TASP1: variants seen among roughly 807,000 people sequenced by gnomAD.
TASP1 encodes taspase 1, also known as threonine aspartase 1.
TASP1 carries 16 observed loss-of-function variants against 56.6 expected under a neutral mutation model. The ratio of observed to expected loss-of-function variants is 0.28; its 90% CI spans 0.19 to 0.43. TASP1 has a LOEUF of 0.43. TASP1 is among the 20% of genes least tolerant of loss of function. TASP1 has a pLI of 1.00. For missense variants in TASP1, 393 were observed against 511.6 expected (o/e 0.77, Z 2.24); for synonymous variants, 179 against 184.2 (o/e 0.97, Z 0.23).
the TASP1 span, among the ~76,000 whole-genome samples, chr20:13,369,782 A>G: frequency 2.4e-3 from 371 of 152,372 alleles, 1 homozygote; most frequent in African/African-American, 8.7e-3. Flanking sequence ...CAACAGGATC[A>G]AGTCAACTAA....
intron 12 of TASP1, among the ~76,000 whole-genome samples, chr20:13,428,734 ACTGCC>A (rs2146140595): frequency 6.6e-6 from 1 of 152,266 alleles, no homozygotes; most frequent in South Asian, 2.1e-4. Context: ...ATCCCTTTAA[ACTGCC>A]TCAAAATCAT....
chr20:13,221,857 G>C, the TASP1 span: 6 of 1,432,608 alleles, frequency 4.2e-6, no homozygotes, highest in South Asian at 7.1e-5. Context: ...TGCGCGGCTC[G>C]GGAGCCGCCG....
chr20:13,512,982 C>T (rs905961177), intron 10 of TASP1, among the ~76,000 whole-genome samples: 2 of 152,120 alleles, frequency 1.3e-5, no homozygotes, highest in African/African-American at 2.4e-5. Context: ...GGTACCAGTA[C>T]CATGCTGTTT....
At chr20:13,510,841 CCTT>C (rs1392812652) in intron 10 of TASP1, among the ~76,000 whole-genome samples, 2 of 152,114 alleles carry the variant, frequency 1.3e-5, no homozygotes, top group Non-Finnish European at 2.9e-5. Context: ...CTGTTATCAT[CCTT>C]ATTATTATCT....
intron 7 of TASP1, among the ~76,000 whole-genome samples, chr20:13,567,442 C>T (rs189370210): frequency 1.1e-4 from 16 of 152,004 alleles, no homozygotes; most frequent in Admixed American, 6.6e-4. Context: ...AATAGGTATT[C>T]GGAAAATAAA....
chr20:13,224,181 A>G, the TASP1 span, among the ~76,000 whole-genome samples: 1 of 152,142 alleles, frequency 6.6e-6, no homozygotes, highest in East Asian at 1.9e-4. Context: ...TGTCCACTCA[A>G]TGCACACACT....
At chr20:13,503,193 G>A (rs2044007928) in intron 10 of TASP1, among the ~76,000 whole-genome samples, 1 of 152,104 alleles carries the variant, frequency 6.6e-6, no homozygotes, top group African/African-American at 2.4e-5. Flanking sequence ...CACAAGCCAT[G>A]TGGGATGCCT....
the TASP1 span, among the ~76,000 whole-genome samples, chr20:13,248,679 A>G: frequency 0.26 from 39,732 of 152,114 alleles, 5,329 homozygotes; most frequent in African/African-American, 0.34. Flanking sequence ...TCCTTCATCC[A>G]AAACCCAGTG....
At chr20:13,339,202 C>T in the TASP1 span, among the ~76,000 whole-genome samples, 2 of 152,150 alleles carry the variant, frequency 1.3e-5, no homozygotes, top group Non-Finnish European at 2.9e-5. Context: ...TGGTACACAG[C>T]AAAACTTCCC....
the TASP1 span, among the ~76,000 whole-genome samples, chr20:13,262,271 C>T: frequency 6.6e-6 from 1 of 152,154 alleles, no homozygotes; most frequent in Non-Finnish European, 1.5e-5. Context: ...GGTGGCCTGG[C>T]CTTTATAGCC....
chr20:13,597,407 C>G (rs1467735171), intron 4 of TASP1, among the ~76,000 whole-genome samples: 2 of 152,136 alleles, frequency 1.3e-5, no homozygotes, highest in African/African-American at 4.8e-5. Context: ...TAATCCATCA[C>G]ATAAATAGAA....
chr20:13,515,391 C>T (rs1454152539), intron 10 of TASP1, among the ~76,000 whole-genome samples: 1 of 151,866 alleles, frequency 6.6e-6, no homozygotes, highest in African/African-American at 2.4e-5. Flanking sequence ...CCACTTTGTC[C>T]ATCAAAGTGT....
chr20:13,569,610 A>T, intron 6 of TASP1, 24 bp from the exon 7 acceptor site: 1 of 1,592,410 alleles, frequency 6.3e-7, no homozygotes, highest in Non-Finnish European at 8.6e-7. Flanking sequence ...AATTATTTTT[A>T]AAATTCACAG....
At chr20:13,623,029 A>T (rs2147528860) in intron 4 of TASP1, among the ~76,000 whole-genome samples, 1 of 152,308 alleles carries the variant, frequency 6.6e-6, no homozygotes, top group East Asian at 1.9e-4. Flanking sequence ...ACACAATTTC[A>T]GGGTATATAT....
At chr20:13,107,679 G>A in the TASP1 span, among the ~76,000 whole-genome samples, 51 of 152,036 alleles carry the variant, frequency 3.4e-4, no homozygotes, top group African/African-American at 1.2e-3. Flanking sequence ...GGGTCCTTAC[G>A]ATCTTGGTGA....
Position 13,390,405 on chromosome 20 carries a change from C to A in TASP1, c.1218G>T (p.Val406=). The A allele has an allele frequency of 6.2e-7, 1 of 1,614,076 alleles. No homozygotes were observed. The highest frequency in any genetic ancestry group is 1.1e-5 in the South Asian group (1 of 91,080). ...LPPGAVAGQS[V]AIEGGVCRLE... is the part of the protein sequence containing the mutation. The stretch of plus-strand genomic sequence containing the variant: ...GGCGGCACACCCCACCTTCGATTGC[C>A]ACAGACTGTCCTGCCACCGCACCAG... Residue 406 remains valine, a synonymous_variant, in exon 14 of 14, where the codon GTG becomes GTT. Transcript: ENST00000337743.
At chr20:13,173,689 A>G in the TASP1 span, among the ~76,000 whole-genome samples, 1 of 152,052 alleles carries the variant, frequency 6.6e-6, no homozygotes, top group Non-Finnish European at 1.5e-5. Context: ...CACCTCTGTG[A>G]TCTTTGCTCT....
At chr20:13,524,818 C>T (rs569464607) in intron 10 of TASP1, among the ~76,000 whole-genome samples, 14 of 152,228 alleles carry the variant, frequency 9.2e-5, no homozygotes, top group African/African-American at 3.1e-4. Flanking sequence ...GCAAGCGGTT[C>T]GCATGTGTTG....
At chr20:13,590,661 T>C (rs979726977) in intron 4 of TASP1, among the ~76,000 whole-genome samples, 1 of 152,024 alleles carries the variant, frequency 6.6e-6, no homozygotes, top group Non-Finnish European at 1.5e-5. Context: ...AGGTCAGGCA[T>C]TCGAGACCAG....
Sources: allele counts gnomAD v4.1 joint callset (sites outside exome capture counted in the v4.1 genomes callset), GRCh38; gene constraint gnomAD v4.1.1; transcripts MANE v1.5; gene names NCBI Gene and HGNC (gene_info 2026-07-23, HGNC 2026-07-21).